TTC39C: variants seen among roughly 807,000 people sequenced by gnomAD.
The protein encoded by TTC39C is tetratricopeptide repeat protein 39C.
Under a neutral mutation model 76.3 loss-of-function variants are expected in TTC39C, and 33 were observed. That is an observed-to-expected ratio of 0.43 (90% CI 0.33 to 0.58). The LOEUF (loss-of-function observed/expected upper bound fraction) is 0.58. TTC39C is among the 20% of genes least tolerant of loss of function. The pLI, the probability that TTC39C is intolerant of heterozygous loss-of-function variation, is 0.04. For synonymous variants in TTC39C, 254 were observed against 260.6 expected (o/e 0.97, Z 0.24); for missense variants, 595 against 701.4 (o/e 0.85, Z 1.71).
intron 3 of TTC39C, among the ~76,000 whole-genome samples, chr18:24,068,772 A>G (rs1394418139): frequency 6.6e-6 from 1 of 152,206 alleles, no homozygotes. Context: ...GTGGCTGCAA[A>G]GTTGACTTTT....
At chr18:24,000,927 T>C (rs2083306505) in intron 1 of TTC39C, among the ~76,000 whole-genome samples, 1 of 152,160 alleles carries the variant, frequency 6.6e-6, no homozygotes, top group Admixed American at 6.5e-5. Flanking sequence ...AGCTGAGAGA[T>C]GTTAAGCAAC....
At chr18:24,119,348 G>A (rs2084937369) in intron 8 of TTC39C, among the ~76,000 whole-genome samples, 1 of 152,206 alleles carries the variant, frequency 6.6e-6, no homozygotes, top group African/African-American at 2.4e-5. Flanking sequence ...AGCCACATGA[G>A]TGGTTCTTTT....
At chr18:24,059,723 C>T (rs1045424987) in intron 1 of TTC39C, among the ~76,000 whole-genome samples, 5 of 152,104 alleles carry the variant, frequency 3.3e-5, no homozygotes, top group African/African-American at 1.2e-4. Context: ...TGGGTATATA[C>T]CCAGTAACAG....
intron 1 of TTC39C, among the ~76,000 whole-genome samples, chr18:24,032,414 G>GT (rs1275886016): frequency 6.6e-6 from 1 of 152,126 alleles, no homozygotes; most frequent in African/African-American, 2.4e-5. Context: ...TGAAGATTGA[G>GT]TATCCCTTAT....
At chr18:24,004,791 C>A (rs565536744) in intron 1 of TTC39C, among the ~76,000 whole-genome samples, 5 of 152,214 alleles carry the variant, frequency 3.3e-5, no homozygotes, top group Admixed American at 1.3e-4. Context: ...CAAACATATA[C>A]TAAGGGTAAC....
intron 1 of TTC39C, among the ~76,000 whole-genome samples, chr18:24,017,419 G>A (rs537558977): frequency 1.3e-5 from 2 of 152,292 alleles, no homozygotes; most frequent in South Asian, 2.1e-4. Flanking sequence ...TCGTGTGGTG[G>A]TTAGAATGAA....
rs191830249 is a variant in TTC39C at position 24,088,021 on chromosome 18, G to T, written c.984+4940G>T. On this transcript the variant is annotated intron_variant, in intron 6 of 13. Transcript: ENST00000317571. ...GTATGTCATTTCTTTTTTCAGAAAT[G>T]ATGTTGGTTATCAAGGACTATTTAC... Among the ~76,000 whole-genome samples, 646 of 152,288 alleles carry T rather than the reference G, an allele frequency of 4.2e-3. 1 individual carries two copies. Among genetic ancestry groups the T allele is most frequent in the Non-Finnish European group, 6.6e-3 (450 of 67,994 alleles).
At chr18:24,065,878 G>A in intron 2 of TTC39C, 134 bp from the exon 3 acceptor site, 3 of 879,288 alleles carry the variant, frequency 3.4e-6, no homozygotes, top group South Asian at 3.7e-5. Context: ...AATAGATTAT[G>A]CTGTAACATT....
chr18:24,104,296 A>C (rs758832283), intron 6 of TTC39C, among the ~76,000 whole-genome samples: 3 of 152,150 alleles, frequency 2.0e-5, no homozygotes, highest in Non-Finnish European at 4.4e-5. Context: ...TTGCCTCTGC[A>C]GTCTCCTTGC....
intron 6 of TTC39C, among the ~76,000 whole-genome samples, chr18:24,087,854 G>A (rs982517175): frequency 2.6e-5 from 4 of 152,090 alleles, no homozygotes; most frequent in African/African-American, 4.8e-5. Context: ...GAGCCCATAC[G>A]TTGTGAATAT....
At chr18:24,086,007 G>A (rs987540586) in intron 6 of TTC39C, among the ~76,000 whole-genome samples, 1 of 152,214 alleles carries the variant, frequency 6.6e-6, no homozygotes, top group Admixed American at 6.5e-5. Context: ...GAGGAACTCT[G>A]CCCAGGGAGG....
intron 1 of TTC39C, among the ~76,000 whole-genome samples, chr18:24,041,793 T>G (rs559727691): frequency 1.3e-5 from 2 of 152,356 alleles, no homozygotes; most frequent in African/African-American, 4.8e-5. Context: ...CAGAATTATG[T>G]TTTGAAAAAT....
intron 1 of TTC39C, 93 bp downstream of exon 1, chr18:24,015,131 C>CCCTCCT (rs2083437588): frequency 1.6e-6 from 2 of 1,220,220 alleles, no homozygotes; most frequent in Non-Finnish European, 2.2e-6. Flanking sequence ...AGCCCCCTCC[C>CCCTCCT]CCTCCTGTCG....
intron 4 of TTC39C, among the ~76,000 whole-genome samples, chr18:24,075,409 C>T (rs1217584252): frequency 1.3e-5 from 2 of 151,998 alleles, no homozygotes; most frequent in Admixed American, 6.6e-5. Context: ...GGAACAGTGG[C>T]TCACACCTGT....
intron 6 of TTC39C, among the ~76,000 whole-genome samples, chr18:24,087,267 T>A (rs1456502587): frequency 6.6e-6 from 1 of 152,236 alleles, no homozygotes; most frequent in African/African-American, 2.4e-5. Context: ...TTTTACAATA[T>A]TAGGGACAAG....
intron 6 of TTC39C, among the ~76,000 whole-genome samples, chr18:24,095,691 C>T (rs1308556224): frequency 6.6e-6 from 1 of 152,134 alleles, no homozygotes; most frequent in East Asian, 1.9e-4. Flanking sequence ...AAGAGTGAAA[C>T]TCCGCCTCAA....
chr18:24,124,142 A>T (rs2085015087), intron 9 of TTC39C, 199 bp downstream of exon 9: 1 of 433,844 alleles, frequency 2.3e-6, no homozygotes, highest in Non-Finnish European at 4.0e-6. Context: ...GCTGCAAATA[A>T]TGAAAGCAGA....
intron 6 of TTC39C, among the ~76,000 whole-genome samples, chr18:24,084,958 C>T (rs1434394827): frequency 6.6e-6 from 1 of 152,168 alleles, no homozygotes; most frequent in Non-Finnish European, 1.5e-5. Flanking sequence ...AGCCACTGTG[C>T]CTGGCCTCAG....
intron 1 of TTC39C, among the ~76,000 whole-genome samples, chr18:23,993,594 C>T (rs573171568): frequency 2.0e-5 from 3 of 152,224 alleles, no homozygotes; most frequent in Admixed American, 6.5e-5. Context: ...GTATAAAGAT[C>T]GAAATGTAGG....
Sources: gnomAD v4.1 joint callset for allele counts (sites outside exome capture counted in the v4.1 genomes callset) on GRCh38, gnomAD v4.1.1 for gene constraint, MANE v1.5 for transcripts, NCBI Gene and HGNC (gene_info 2026-07-23, HGNC 2026-07-21) for gene names.